RGL1: variants seen among roughly 807,000 people sequenced by gnomAD.
RGL1 encodes the protein ral guanine nucleotide dissociation stimulator-like 1.
A neutral mutation model predicts 95.2 loss-of-function variants in RGL1; 24 were observed. The observed-to-expected ratio is 0.25, with a 90% CI of 0.18 to 0.35. The LOEUF is 0.35. RGL1 is among the 10% of genes least tolerant of loss of function. The pLI, the probability that RGL1 is intolerant of heterozygous loss-of-function variation, is 1.00. For synonymous variants in RGL1, 329 were observed against 344.9 expected, an observed-to-expected ratio of 0.95 and a Z score of 0.51; for missense variants, 715 against 936.3, an observed-to-expected ratio of 0.76 and a Z score of 3.08.
chr1:183,911,874 T>G (rs977671520), intron 14 of RGL1, among the ~76,000 whole-genome samples: 6 of 152,224 alleles, frequency 3.9e-5, no homozygotes, highest in Non-Finnish European at 8.8e-5. Flanking sequence ...ATAATCTATG[T>G]GTTCTTTGAA....
At position 183,912,277 on chromosome 1, in the gene RGL1, T is replaced by C; in HGVS notation, c.1749+9T>C. ...ATGAGCCTCAAAAAAAGGTATATACTCAACCCTTCTCATAATTCCTAATGC... is the reference window on the plus strand; with the variant it reads ...ATGAGCCTCAAAAAAAGGTATATACCCAACCCTTCTCATAATTCCTAATGC... On this transcript the variant is annotated intron_variant, in intron 15 of 17. Coordinates refer to ENST00000360851, the MANE Select transcript of RGL1 (RefSeq NM_001297671.3). The C allele has an allele frequency of 6.2e-7, 1 of 1,606,794 alleles. No homozygotes were observed. Among genetic ancestry groups the C allele is most frequent in the Non-Finnish European group, 8.5e-7 (1 of 1,175,122 alleles).
intron 3 of RGL1, among the ~76,000 whole-genome samples, chr1:183,860,142 C>A (rs1665416662): frequency 6.6e-6 from 1 of 152,122 alleles, no homozygotes; most frequent in African/African-American, 2.4e-5. Context: ...GAAAAGATTC[C>A]CAGGAGTCCT....
chr1:183,772,258 AGAGAGCACCTTGTAACACAC>A (rs1391095032), intron 2 of RGL1, among the ~76,000 whole-genome samples: 1 of 152,206 alleles, frequency 6.6e-6, no homozygotes, highest in African/African-American at 2.4e-5. Flanking sequence ...TGGCAAACTA[AGAGAGCACCTTGTAACACAC>A]GCCCACTGGG....
chr1:183,726,185 T>C (rs1177392924), intron 1 of RGL1, among the ~76,000 whole-genome samples: 3 of 151,956 alleles, frequency 2.0e-5, no homozygotes, highest in African/African-American at 7.2e-5. Context: ...AAAGCTTAAT[T>C]AGAAAAGAAG....
intron 2 of RGL1, among the ~76,000 whole-genome samples, chr1:183,795,253 G>C (rs992533993): frequency 6.6e-6 from 1 of 152,216 alleles, no homozygotes; most frequent in Admixed American, 6.5e-5. Context: ...AGTGTGAGGT[G>C]CTAGAAATAC....
intron 1 of RGL1, among the ~76,000 whole-genome samples, chr1:183,716,259 T>C (rs1330893672): frequency 6.6e-6 from 1 of 152,198 alleles, no homozygotes; most frequent in Non-Finnish European, 1.5e-5. Flanking sequence ...TGATATGCTA[T>C]TAAAAATATA....
rs542523989 is a variant in RGL1 at position 183,777,063 on chromosome 1, G to A, written c.133-29312G>A. On this transcript the variant is annotated intron_variant, in intron 2 of 18. Transcript: ENST00000304685. ...CATTTTCAACCTAAGGACTTTTATA[G>A]ATGGATCGAAGCTGTCCTGAGCCAA... 2.0e-5 allele frequency among the ~76,000 whole-genome samples: 3 copies of A among 152,344 alleles called. No individual in the cohort carries two copies. The South Asian group carries it at 6.2e-4, about 32-fold the overall frequency.
At chr1:183,668,552 C>A in intron 1 of RGL1, among the ~76,000 whole-genome samples, 1 of 152,140 alleles carries the variant, frequency 6.6e-6, no homozygotes, top group East Asian at 1.9e-4. Context: ...ATTCTACCAC[C>A]TCAGCCTCCC....
At chr1:183,811,826 T>C (rs1199603206) in intron 2 of RGL1, among the ~76,000 whole-genome samples, 2 of 152,340 alleles carry the variant, frequency 1.3e-5, no homozygotes, top group East Asian at 3.9e-4. Flanking sequence ...ATGGCATAAA[T>C]ATAAGAGGCA....
intron 14 of RGL1, among the ~76,000 whole-genome samples, chr1:183,911,640 G>A (rs1558289741): frequency 6.6e-6 from 1 of 152,174 alleles, no homozygotes; most frequent in African/African-American, 2.4e-5. Flanking sequence ...CTGTTTTATA[G>A]AGGAAGCATT....
chr1:183,900,940 G>A (rs920873105), intron 11 of RGL1, among the ~76,000 whole-genome samples: 27 of 151,382 alleles, frequency 1.8e-4, no homozygotes, highest in Non-Finnish European at 3.7e-4. Context: ...CAAGGCAGGT[G>A]AATCACCTGA....
intron 2 of RGL1, among the ~76,000 whole-genome samples, chr1:183,832,603 T>G (rs1486968126): frequency 6.6e-6 from 1 of 152,166 alleles, no homozygotes; most frequent in East Asian, 1.9e-4. Context: ...GCCTTTAGAT[T>G]CACAGAAGAT....
chr1:183,871,449 G>A (rs1418267274), intron 4 of RGL1, among the ~76,000 whole-genome samples: 1 of 152,214 alleles, frequency 6.6e-6, no homozygotes, highest in Non-Finnish European at 1.5e-5. Context: ...TCCTGTTTAG[G>A]GCAGTTGCCT....
At chr1:183,888,164 C>A (rs1292938823) in intron 7 of RGL1, among the ~76,000 whole-genome samples, 1 of 152,120 alleles carries the variant, frequency 6.6e-6, no homozygotes, top group East Asian at 1.9e-4. Flanking sequence ...GTTGCTCTTT[C>A]TAGCATAGCT....
At chr1:183,816,566 G>C (rs538750197) in intron 2 of RGL1, among the ~76,000 whole-genome samples, 6 of 152,206 alleles carry the variant, frequency 3.9e-5, no homozygotes, top group African/African-American at 1.4e-4. Context: ...GTTAATATCT[G>C]TTTTTACTCT....
At chr1:183,795,564 G>A (rs1307299839) in intron 2 of RGL1, among the ~76,000 whole-genome samples, 1 of 152,202 alleles carries the variant, frequency 6.6e-6, no homozygotes, top group Non-Finnish European at 1.5e-5. Context: ...GGTGGCTGGA[G>A]CCCAGAGAGC....
Position 183,806,406 on chromosome 1 carries a change from A to G in RGL1, c.59A>G (p.Glu20Gly), listed in dbSNP as rs1220639848. ...SSIQDWGEEV[E>G]EGAVYHVTLK... Reference sequence around the variant, plus strand: ...ATTCAGGACTGGGGTGAAGAGGTAGAGGAAGGAGCTGTTTACCATGTCACC... The same window carrying G: ...ATTCAGGACTGGGGTGAAGAGGTAGGGGAAGGAGCTGTTTACCATGTCACC... The change falls in exon 2 of 18, where the codon GAG becomes GGG. Residue 20 changes from glutamate to glycine, a missense_variant. Coordinates refer to ENST00000360851, the MANE Select transcript of RGL1 (RefSeq NM_001297671.3). The G allele has an allele frequency of 6.2e-7, 1 of 1,613,958 alleles. No homozygotes were observed. The highest frequency in any genetic ancestry group is 1.3e-5 in the African/African-American group (1 of 74,904).
At chr1:183,897,548 CAA>C (rs756374573) in intron 9 of RGL1, among the ~76,000 whole-genome samples, 6 of 103,998 alleles carry the variant, frequency 5.8e-5, no homozygotes, top group Admixed American at 1.0e-4. Context: ...GACTTCGTCT[CAA>C]AAAAAAAAAA....
intron 1 of RGL1, among the ~76,000 whole-genome samples, chr1:183,667,779 T>G (rs906177705): frequency 3.9e-5 from 6 of 152,348 alleles, no homozygotes; most frequent in African/African-American, 1.2e-4. Context: ...TCTGTATGAT[T>G]GTATTTTTCT....
Sources: allele counts gnomAD v4.1 joint callset (sites outside exome capture counted in the v4.1 genomes callset), GRCh38; gene constraint gnomAD v4.1.1; transcripts MANE v1.5; gene names NCBI Gene and HGNC (gene_info 2026-07-23, HGNC 2026-07-21).